The following COG5 variants were observed in gnomAD, a reference collection of about 807,000 sequenced individuals.
COG5 encodes the protein conserved oligomeric Golgi complex subunit 5.
A neutral mutation model predicts 110.4 loss-of-function variants in COG5; 86 were observed. The ratio of observed to expected loss-of-function variants is 0.78; its 90% CI spans 0.65 to 0.93. The LOEUF (loss-of-function observed/expected upper bound fraction) is 0.93, where lower values mean the gene tolerates loss of function less well. COG5 is among the 40% of genes least tolerant of loss of function. The pLI, the probability that COG5 is intolerant of heterozygous loss-of-function variation, is 0.00. For synonymous variants in COG5, 360 were observed against 334.6 expected, an observed-to-expected ratio of 1.08 and a Z score of -0.83; for missense variants, 1,077 against 987.0, an observed-to-expected ratio of 1.09 and a Z score of -1.22.
At chr7:107,541,523 A>AAATATATATATATATATAT (rs60423657) in intron 5 of COG5, among the ~76,000 whole-genome samples, 6 of 57,018 alleles carry the variant, frequency 1.1e-4, no homozygotes, top group African/African-American at 4.0e-4. Context: ...AAAAAAAAAA[A>AAATATATATATATATATAT]ATATATATAT....
intron 1 of COG5, among the ~76,000 whole-genome samples, chr7:107,562,014 C>T (rs930535319): frequency 2.0e-5 from 3 of 151,966 alleles, no homozygotes; most frequent in African/African-American, 7.2e-5. Flanking sequence ...GGAGCAGAGG[C>T]TCCACTTCCG....
At chr7:107,336,739 A>G (rs904499249) in intron 10 of COG5, among the ~76,000 whole-genome samples, 14 of 152,166 alleles carry the variant, frequency 9.2e-5, no homozygotes, top group Non-Finnish European at 2.1e-4. Flanking sequence ...GGGTTTTTGA[A>G]TTGTAATTTT....
At chr7:107,373,891 T>C (rs1427204017) in intron 7 of COG5, among the ~76,000 whole-genome samples, 1 of 152,164 alleles carries the variant, frequency 6.6e-6, no homozygotes, top group East Asian at 1.9e-4. Context: ...ACCTCTGAAA[T>C]CTATTGGTGT....
intron 17 of COG5, among the ~76,000 whole-genome samples, chr7:107,238,561 T>C (rs992679780): frequency 6.6e-6 from 1 of 152,186 alleles, no homozygotes; most frequent in African/African-American, 2.4e-5. Context: ...TTTTAGTTTT[T>C]TGAGAAACGT....
intron 6 of COG5, among the ~76,000 whole-genome samples, chr7:107,467,425 C>CAG (rs1796359737): frequency 6.6e-6 from 1 of 152,108 alleles, no homozygotes. Flanking sequence ...GGTGCAATCG[C>CAG]AGCTCACTGC....
intron 10 of COG5, 150 bp downstream of exon 10, chr7:107,361,883 G>A (rs928812317): frequency 9.6e-6 from 6 of 625,454 alleles, no homozygotes; most frequent in African/African-American, 1.8e-5. Context: ...TATATTGCAA[G>A]GAACATTATT....
intron 21 of COG5, chr7:107,208,955 G>C: frequency 1.0e-6 from 1 of 982,364 alleles, no homozygotes; most frequent in Non-Finnish European, 1.2e-6. Context: ...GGACCTTCTT[G>C]GGGAGCTATA....
intron 19 of COG5, among the ~76,000 whole-genome samples, chr7:107,216,607 T>A (rs1400804921): frequency 2.0e-5 from 3 of 152,092 alleles, no homozygotes. Context: ...ATCTTTGAAA[T>A]GCCACAAATA....
chr7:107,540,257 C>T (rs1801877403), intron 5 of COG5, among the ~76,000 whole-genome samples: 1 of 152,056 alleles, frequency 6.6e-6, no homozygotes, highest in Admixed American at 6.6e-5. Context: ...CTGTTCTGGA[C>T]CTGTACTAAC....
intron 6 of COG5, among the ~76,000 whole-genome samples, chr7:107,509,206 G>C (rs1353960314): frequency 1.3e-5 from 2 of 152,182 alleles, no homozygotes; most frequent in Non-Finnish European, 2.9e-5. Context: ...CCTTAAAGGA[G>C]CTGAGGTAGC....
chr7:107,559,312 A>C lies in COG5; in HGVS notation c.95-1197T>G, dbSNP rs145221693. Among the ~76,000 whole-genome samples the C allele has an allele frequency of 3.1e-3, 468 of 152,296 alleles. 4 individuals carry two copies. The highest frequency in any genetic ancestry group is 0.011 in the African/African-American group (443 of 41,576). ...AAAATTAAGAGAATTGAAAGCTAAA[A>C]ATAGATACCCAGAAGGGAGCTCATG... On this transcript the variant is annotated intron_variant, in intron 1 of 21. Transcript: ENST00000297135.
intron 7 of COG5, among the ~76,000 whole-genome samples, chr7:107,406,234 T>C (rs1328988663): frequency 6.6e-6 from 1 of 152,156 alleles, no homozygotes; most frequent in Non-Finnish European, 1.5e-5. Context: ...TGCTGAGACA[T>C]ACAACAAAAT....
chr7:107,245,225 G>A (rs951089517), intron 17 of COG5, among the ~76,000 whole-genome samples: 1 of 151,996 alleles, frequency 6.6e-6, no homozygotes, highest in African/African-American at 2.4e-5. Context: ...AAAATAATAA[G>A]CACCATCCAT....
chr7:107,455,086 C>T (rs2129096362), intron 6 of COG5, among the ~76,000 whole-genome samples: 1 of 152,216 alleles, frequency 6.6e-6, no homozygotes, highest in Admixed American at 6.5e-5. Context: ...GCAATTTAAA[C>T]TCAACTAAAA....
At chr7:107,415,124 T>C (rs185039859) in intron 6 of COG5, among the ~76,000 whole-genome samples, 172 of 152,282 alleles carry the variant, frequency 1.1e-3, no homozygotes, top group African/African-American at 3.9e-3. Flanking sequence ...TATGCACTTA[T>C]GTTTCACCAC....
intron 10 of COG5, among the ~76,000 whole-genome samples, chr7:107,352,860 A>G (rs1379001327): frequency 6.6e-6 from 1 of 152,234 alleles, no homozygotes; most frequent in East Asian, 1.9e-4. Flanking sequence ...AAAGTATCAT[A>G]TCTATAATCC....
At chr7:107,283,920 AC>A (rs1805404094) in intron 12 of COG5, among the ~76,000 whole-genome samples, 188 bp from the exon 13 acceptor site, 1 of 139,406 alleles carries the variant, frequency 7.2e-6, no homozygotes, top group African/African-American at 2.5e-5. Flanking sequence ...AACATTCAGG[AC>A]CATAGTAACC....
At position 107,400,250 on chromosome 7, in the gene COG5, C is replaced by T. The variant is rs186503499; in HGVS notation, c.669+12252G>A. On this transcript the variant is annotated intron_variant, in intron 7 of 21. Coordinates refer to ENST00000297135, the MANE Select transcript of COG5 (RefSeq NM_006348.5). ...ACAAATTATCAATGCACATAACATG[C>T]ATGAATCTCAAAATAATTATGTTGA... is the stretch of plus-strand genomic sequence containing the variant. 1.7e-3 allele frequency among the ~76,000 whole-genome samples: 264 copies of T among 152,150 alleles called. 3 individuals are homozygous for T. The highest frequency in any genetic ancestry group is 2.5e-3 in the South Asian group (12 of 4,816).
chr7:107,226,379 A>G (rs1294427734), intron 19 of COG5, among the ~76,000 whole-genome samples: 1 of 152,182 alleles, frequency 6.6e-6, no homozygotes, highest in Non-Finnish European at 1.5e-5. Flanking sequence ...AATAAGAGTA[A>G]GCTTTTCACT....
Sources: allele counts gnomAD v4.1 joint callset (sites outside exome capture counted in the v4.1 genomes callset), GRCh38; gene constraint gnomAD v4.1.1; transcripts MANE v1.5; gene names NCBI Gene and HGNC (gene_info 2026-07-23, HGNC 2026-07-21).